The following SLC44A5 variants were observed in gnomAD, a reference collection of about 807,000 sequenced individuals.
SLC44A5 encodes the protein choline transporter-like protein 5.
A neutral mutation model predicts 101.8 loss-of-function variants in SLC44A5; 57 were observed. The ratio of observed to expected loss-of-function variants is 0.56; its 90% confidence interval spans 0.45 to 0.70. The LOEUF is 0.70. SLC44A5 is among the 30% of genes least tolerant of loss of function. The pLI is 0.00. For synonymous variants in SLC44A5, 281 were observed against 290.9 expected (o/e 0.97, Z 0.35); for missense variants, 737 against 853.1 (o/e 0.86, Z 1.70).
chr1:75,720,502 T>C, the SLC44A5 span: 1 of 152,238 alleles, frequency 6.6e-6, no homozygotes, highest in Admixed American at 6.5e-5. Context: ...AAAATGTAGA[T>C]GAAAGATTGT....
intron 2 of SLC44A5, among the ~76,000 whole-genome samples, chr1:75,418,320 A>G (rs1663789985): frequency 1.3e-5 from 2 of 152,250 alleles, no homozygotes; most frequent in African/African-American, 4.8e-5. Flanking sequence ...GGAGCTTATC[A>G]TCTACCAGGC....
chr1:75,496,041 A>C (rs777192026), intron 2 of SLC44A5, among the ~76,000 whole-genome samples: 2 of 151,904 alleles, frequency 1.3e-5, no homozygotes, highest in Non-Finnish European at 2.9e-5. Flanking sequence ...ACTAGATCTC[A>C]TTCATCCTTT....
At chr1:75,549,170 T>C (rs890038711) in intron 1 of SLC44A5, among the ~76,000 whole-genome samples, 2 of 152,158 alleles carry the variant, frequency 1.3e-5, no homozygotes, top group Non-Finnish European at 2.9e-5. Context: ...TTTGACCAAA[T>C]TCCCTTCTTG....
At chr1:75,615,601 G>C (rs1017314981), upstream of SLC44A5, among the ~76,000 whole-genome samples, 2 of 152,102 alleles carry the variant, frequency 1.3e-5, no homozygotes, top group Admixed American at 6.5e-5. Flanking sequence ...GAGTAGCAAA[G>C]GGGTGGGGTG....
chr1:75,613,160 C>T (rs1443254232), upstream of SLC44A5, among the ~76,000 whole-genome samples: 1 of 152,186 alleles, frequency 6.6e-6, no homozygotes, highest in Non-Finnish European at 1.5e-5. Flanking sequence ...ATGATCTCTC[C>T]CTGCATGCGG....
At chr1:75,641,555 T>G in the SLC44A5 span, 8 of 1,505,478 alleles carry the variant, frequency 5.3e-6, no homozygotes, top group African/African-American at 4.1e-5. Context: ...TTGAAAAACT[T>G]CCTCATTTAC....
intron 5 of SLC44A5, among the ~76,000 whole-genome samples, chr1:75,296,813 G>A (rs1415802762): frequency 6.6e-6 from 1 of 152,066 alleles, no homozygotes; most frequent in African/African-American, 2.4e-5. Context: ...ATTTTGTTCT[G>A]CTTATCTATT....
At chr1:75,496,593 G>A (rs1252802026) in intron 2 of SLC44A5, among the ~76,000 whole-genome samples, 1 of 144,012 alleles carries the variant, frequency 6.9e-6, no homozygotes, top group African/African-American at 2.6e-5. Flanking sequence ...AGCACACAAG[G>A]AAACAGACAA....
chr1:75,477,577 A>G (rs867926415), intron 2 of SLC44A5, among the ~76,000 whole-genome samples: 2 of 152,198 alleles, frequency 1.3e-5, no homozygotes, highest in Non-Finnish European at 1.5e-5. Context: ...GGAGCTGAAA[A>G]CCAAGGCTCG....
chr1:75,627,047 C>A, the SLC44A5 span, among the ~76,000 whole-genome samples: 1 of 152,126 alleles, frequency 6.6e-6, no homozygotes, highest in Non-Finnish European at 1.5e-5. Flanking sequence ...ATTGTTTTTT[C>A]ACTTCCCATC....
intron 1 of SLC44A5, among the ~76,000 whole-genome samples, chr1:75,562,678 C>T (rs571613030): frequency 3.3e-5 from 5 of 151,950 alleles, no homozygotes; most frequent in East Asian, 1.9e-4. Flanking sequence ...CAGAGTGAGA[C>T]GACTCTGTCA....
At chr1:75,457,200 T>C (rs1391498802) in intron 2 of SLC44A5, among the ~76,000 whole-genome samples, 1 of 152,228 alleles carries the variant, frequency 6.6e-6, no homozygotes, top group African/African-American at 2.4e-5. Flanking sequence ...TAAAAATGTT[T>C]CTTTTAAAGA....
chr1:75,551,418 A>C (rs1214509742), intron 1 of SLC44A5, among the ~76,000 whole-genome samples: 1 of 152,058 alleles, frequency 6.6e-6, no homozygotes, highest in Non-Finnish European at 1.5e-5. Flanking sequence ...TTCTAATTTT[A>C]TGCTTTCTTG....
At chr1:75,351,846 C>CAAAAAAAAAAAAAAAAAAAAAAAAA (rs71071942) in intron 3 of SLC44A5, among the ~76,000 whole-genome samples, 2 of 28,402 alleles carry the variant, frequency 7.0e-5, no homozygotes, top group African/African-American at 1.3e-4. Flanking sequence ...CACACTTTAC[C>CAAAAAAAAAAAAAAAAAAAAAAAAA]AAAAAAAAAA....
intron 1 of SLC44A5, among the ~76,000 whole-genome samples, chr1:75,597,801 T>C (rs1262530855): frequency 6.6e-6 from 1 of 152,098 alleles, no homozygotes; most frequent in African/African-American, 2.4e-5. Flanking sequence ...CAAGATGGAT[T>C]AAAGACTTAA....
At chr1:75,296,500 G>T (rs144194676) in intron 5 of SLC44A5, among the ~76,000 whole-genome samples, 6 of 152,024 alleles carry the variant, frequency 3.9e-5, no homozygotes, top group African/African-American at 1.4e-4. Flanking sequence ...TCAGGTCCAA[G>T]TGTGGACAAG....
chr1:75,263,375 A>C (rs1650701027), intron 6 of SLC44A5, among the ~76,000 whole-genome samples: 1 of 152,200 alleles, frequency 6.6e-6, no homozygotes, highest in Non-Finnish European at 1.5e-5. Flanking sequence ...CAAACATATG[A>C]AAAAAAGCTC....
chr1:75,593,823 C>A (rs1366128085), intron 1 of SLC44A5, among the ~76,000 whole-genome samples: 1 of 151,522 alleles, frequency 6.6e-6, no homozygotes, highest in Non-Finnish European at 1.5e-5. Context: ...GTAGGAGTTA[C>A]CAAAGGCTGA....
the SLC44A5 span, among the ~76,000 whole-genome samples, chr1:75,671,797 G>A: frequency 2.0e-5 from 3 of 152,176 alleles, no homozygotes; most frequent in South Asian, 2.1e-4. Context: ...AGCTGATCTC[G>A]AACCAAGCTG....
Sources: gnomAD v4.1 joint callset for allele counts (sites outside exome capture counted in the v4.1 genomes callset) on GRCh38, gnomAD v4.1.1 for gene constraint, MANE v1.5 for transcripts, NCBI Gene and HGNC (gene_info 2026-07-23, HGNC 2026-07-21) for gene names.